BAHCC1: variants seen among roughly 807,000 people sequenced by gnomAD.
BAHCC1 encodes the protein BAH domain and coiled-coil containing 1, also known as BAH and coiled-coil domain-containing protein 1.
A neutral mutation model predicts 88.2 loss-of-function variants in BAHCC1; 43 were observed. The ratio of observed to expected loss-of-function variants is 0.49; its 90% CI spans 0.38 to 0.63. The LOEUF is 0.63. Ranked by LOEUF, BAHCC1 falls within the 20% of genes least tolerant of loss-of-function variation. The pLI is 0.00. For missense variants in BAHCC1, 3,023 were observed against 1,654.8 expected (o/e 1.83, Z -14.34); for synonymous variants, 1,510 against 745.5 (o/e 2.03, Z -16.71).
chr17:81,408,560 G>A (rs977575426), intron 2 of BAHCC1, among the ~76,000 whole-genome samples: 4 of 152,088 alleles, frequency 2.6e-5, no homozygotes, highest in Admixed American at 1.3e-4. Flanking sequence ...TTCTGATCCC[G>A]GCGTCACATC....
At chr17:81,398,943 A>G (rs1265782101) in intron 1 of BAHCC1, among the ~76,000 whole-genome samples, 1 of 151,910 alleles carries the variant, frequency 6.6e-6, no homozygotes, top group African/African-American at 2.4e-5. Flanking sequence ...TAAAAAAAAA[A>G]AAAACTCTTG....
At chr17:81,441,264 C>T (rs201721721) in intron 4 of BAHCC1, among the ~76,000 whole-genome samples, 2 of 152,162 alleles carry the variant, frequency 1.3e-5, no homozygotes, top group Admixed American at 6.5e-5. Flanking sequence ...CATGGATGCT[C>T]GTGACGGCTG....
intron 2 of BAHCC1, among the ~76,000 whole-genome samples, chr17:81,414,992 G>A (rs147673056): frequency 1.3e-5 from 2 of 152,202 alleles, no homozygotes; most frequent in Admixed American, 1.3e-4. Flanking sequence ...ACCCGCCCCG[G>A]CGTACTGTCC....
chr17:81,457,133 C>G (rs2064764209), intron 16 of BAHCC1, among the ~76,000 whole-genome samples: 1 of 152,112 alleles, frequency 6.6e-6, no homozygotes, highest in Non-Finnish European at 1.5e-5. Flanking sequence ...AAGGGACTTT[C>G]TGGGGAGGGG....
chr17:81,451,743 C>A lies in BAHCC1; in HGVS notation c.4052C>A (p.Ala1351Asp), dbSNP rs2064638711. Residue 1351 changes from alanine (A) to aspartate (D), a missense_variant, in exon 12 of 28, where the codon GCC becomes GAC. By Grantham distance (126) the Ala-to-Asp change is moderately radical. Coordinates refer to ENST00000675386, the MANE Select transcript of BAHCC1 (RefSeq NM_001377448.1). ...TLATAWSLVE[A>D]AGLDSSTAPA... ...GCCACAGCCTGGTCCCTGGTGGAGG[C>A]CGCTGGCCTGGACAGCTCCACTGCC... 3 of 775,066 alleles carry A rather than the reference C, an allele frequency of 3.9e-6. No individual in the cohort carries two copies. Among genetic ancestry groups the A allele is most frequent in the Non-Finnish European group, 7.2e-6 (3 of 417,504 alleles). The allele number at this position is 775,066 out of a possible 1,614,324, so 48.0% of individuals were successfully genotyped here.
At position 81,444,835 on chromosome 17, in the gene BAHCC1, C is replaced by T. The variant is rs782300350; in HGVS notation, c.2671+9C>T. ...CGCCCCCCACGCACTTGGTAAGGGC[C>T]CCTGGTCCAGGCTGCTGTACTTGGG... is the stretch of plus-strand genomic sequence containing the variant. On this transcript the variant is annotated intron_variant, in intron 8 of 27. Coordinates refer to ENST00000675386, the MANE Select transcript of BAHCC1 (RefSeq NM_001377448.1). 2.6e-6 allele frequency: 2 copies of T among 771,750 alleles called. No homozygotes were observed. The highest frequency in any genetic ancestry group is 4.8e-6 in the Non-Finnish European group (2 of 414,912). The allele number at this position is 771,750 out of a possible 1,614,324, so 47.8% of individuals were successfully genotyped here.
rs371726478 is a variant in BAHCC1 at position 81,445,392 on chromosome 17, C to T, written c.2874C>T (p.Pro958=). The T allele has an allele frequency of 1.8e-3, 1,361 of 777,160 alleles. 21 individuals are homozygous for T. In the East Asian group the frequency reaches 0.026, roughly 15 times the overall value. The allele number at this position is 777,160 out of a possible 1,614,324, so 48.1% of individuals were successfully genotyped here. The change falls in exon 10 of 28, where the codon CCC becomes CCT. Residue 958 remains proline (P), a synonymous_variant. Coordinates refer to ENST00000675386, the MANE Select transcript of BAHCC1 (RefSeq NM_001377448.1). ...PEDQHLDLEE[P]AQEKAPKSTH... is the part of the protein sequence containing the mutation. ...ACCAGCACCTGGATCTGGAGGAGCCCGCCCAGGAGAAGGCCCCAAAGTCCA... is the reference window on the plus strand; with the variant it reads ...ACCAGCACCTGGATCTGGAGGAGCCTGCCCAGGAGAAGGCCCCAAAGTCCA...
Position 81,442,301 on chromosome 17 carries a change from G to C in BAHCC1, c.952G>C (p.Gly318Arg), listed in dbSNP as rs575512055. ...GRPGTGVVTS[G>R]RCAKEAAGPP... Reference sequence around the variant, plus strand: ...GCCTGGCACGGGGGTGGTGACCTCCGGGCGCTGTGCAAAGGAGGCAGCAGG... The same window carrying C: ...GCCTGGCACGGGGGTGGTGACCTCCCGGCGCTGTGCAAAGGAGGCAGCAGG... The change falls in exon 5 of 28, where the codon GGG becomes CGG. Residue 318 changes from glycine to arginine, a missense_variant. By Grantham distance (125) the Gly-to-Arg change is moderately radical. Coordinates refer to ENST00000675386, the MANE Select transcript of BAHCC1 (RefSeq NM_001377448.1). 1.5e-6 allele frequency: 1 copy of C among 649,570 alleles called. No homozygotes were observed. Among genetic ancestry groups the C allele is most frequent in the Non-Finnish European group, 2.8e-6 (1 of 360,954 alleles). 40.2% of individuals were successfully genotyped at this position (649,570 alleles called of 1,614,324 possible).
At position 81,452,023 on chromosome 17, in the gene BAHCC1, TGCGC is replaced by T; in HGVS notation, c.4234_4237del (p.Arg1412CysfsTer136). ...CGGCTGGACACGCAGGAGGTGGGGA[TGCGC>T]GTGCGGCTGGCGGAGCTGCAGCGGC... On this transcript the variant is annotated frameshift_variant, in exon 13 of 28. Transcript: ENST00000675386. LOFTEE classifies it high-confidence loss of function. The T allele has an allele frequency of 1.6e-6, 1 of 635,272 alleles. No homozygotes were observed. The highest frequency in any genetic ancestry group is 2.8e-6 in the Non-Finnish European group (1 of 358,298). The allele number at this position is 635,272 out of a possible 1,614,324, so 39.4% of individuals were successfully genotyped here.
At chr17:81,419,788 CGTTTT>C (rs2064092942) in intron 2 of BAHCC1, among the ~76,000 whole-genome samples, 3 of 102,310 alleles carry the variant, frequency 2.9e-5, no homozygotes, top group Non-Finnish European at 3.9e-5. Context: ...CTCAACGAGG[CGTTTT>C]TTTTTTTTTT....
At position 81,411,565 on chromosome 17, in the gene BAHCC1, TTC is replaced by T. The variant is rs1555647882; in HGVS notation, c.178+11649_178+11650del. On this transcript the variant is annotated intron_variant, in intron 2 of 27. Coordinates refer to ENST00000675386, the MANE Select transcript of BAHCC1 (RefSeq NM_001377448.1). The surrounding 1 kb of genome is among the most constrained non-coding windows in gnomAD (Gnocchi z 6.2). ...CTTCCTTCCTTCCTTCCTTCCTTCC[TTC>T]CTTCCTTGAGAGGCCTCTCTACCCA... 10 of 417,492 alleles carry T rather than the reference TTC, an allele frequency of 2.4e-5. No homozygotes were observed. In the East Asian group the frequency reaches 6.7e-4, roughly 28 times the overall value. 25.9% of individuals were successfully genotyped at this position (417,492 alleles called of 1,614,324 possible). A position where few individuals can be genotyped will look rare whatever the true frequency, so the allele number is the denominator to read the frequency against.
chr17:81,445,000 G>A lies in BAHCC1; in HGVS notation c.2672-15G>A. ...CTCCCCAGCCAGGCTGACCCCTCCT[G>A]GGCCCTGCCCACAGCGGATGTCATG... On this transcript the variant is annotated splice_polypyrimidine_tract_variant and intron_variant, in intron 8 of 27. Coordinates refer to ENST00000675386, the MANE Select transcript of BAHCC1 (RefSeq NM_001377448.1). 1.3e-6 allele frequency: 1 copy of A among 747,280 alleles called. No homozygotes were observed. The highest frequency in any genetic ancestry group is 2.4e-4 in the Middle Eastern group (1 of 4,186). 46.3% of individuals were successfully genotyped at this position (747,280 alleles called of 1,614,324 possible).
intron 3 of BAHCC1, among the ~76,000 whole-genome samples, chr17:81,431,128 C>T (rs1202309600): frequency 2.0e-5 from 3 of 152,124 alleles, no homozygotes; most frequent in South Asian, 4.2e-4. Flanking sequence ...GGCTACCTCC[C>T]GCCAGCTTCT....
intron 3 of BAHCC1, 153 bp from the exon 4 acceptor site, chr17:81,438,217 T>G (rs1598482556): frequency 1.6e-6 from 1 of 633,080 alleles, no homozygotes; most frequent in Middle Eastern, 3.3e-4. Flanking sequence ...TATGATGTAT[T>G]GATGGGTTGA....
At chr17:81,410,588 T>A (rs1230004107) in intron 2 of BAHCC1, among the ~76,000 whole-genome samples, 1 of 151,920 alleles carries the variant, frequency 6.6e-6, no homozygotes, top group African/African-American at 2.4e-5. Flanking sequence ...GCACCACGGG[T>A]CGAGGCACCA....
chr17:81,463,458 G>C (rs1555660026), intron 27 of BAHCC1, among the ~76,000 whole-genome samples, 153 bp from the exon 28 acceptor site: 2 of 152,206 alleles, frequency 1.3e-5, no homozygotes, highest in African/African-American at 4.8e-5. Flanking sequence ...CCTGGACCTG[G>C]TCCCTGGCAG....
At chr17:81,395,708 C>G (rs1308266728) in intron 1 of BAHCC1, 73 bp downstream of exon 1, 2 of 147,904 alleles carry the variant, frequency 1.4e-5, no homozygotes, top group African/African-American at 2.5e-5. Flanking sequence ...TTTATTCTGG[C>G]TTTGGGGTTT....
intron 3 of BAHCC1, among the ~76,000 whole-genome samples, chr17:81,428,240 C>G (rs1462743040): frequency 6.6e-6 from 1 of 152,206 alleles, no homozygotes; most frequent in African/African-American, 2.4e-5. Context: ...GTGGGGGCCC[C>G]GCCTTCCTGG....
At chr17:81,436,661 C>G (rs1033185295) in intron 3 of BAHCC1, among the ~76,000 whole-genome samples, 1 of 144,246 alleles carries the variant, frequency 6.9e-6, no homozygotes. Flanking sequence ...GGAGTTTAAT[C>G]TGGTAAACAG....
Sources: allele counts gnomAD v4.1 joint callset (sites outside exome capture counted in the v4.1 genomes callset), GRCh38; gene constraint gnomAD v4.1.1; non-coding constraint Gnocchi (gnomAD v3.1); transcripts MANE v1.5; gene names NCBI Gene and HGNC (gene_info 2026-07-23, HGNC 2026-07-21).